The following SIPA1L1 variants were observed in gnomAD, a reference collection of about 807,000 sequenced individuals.
The protein encoded by SIPA1L1 is signal induced proliferation associated 1 like 1.
SIPA1L1 carries 26 observed loss-of-function variants against 162.7 expected under a neutral mutation model. The observed-to-expected ratio is 0.16, with a 90% CI of 0.12 to 0.22. The LOEUF is 0.22. Ranked by LOEUF, SIPA1L1 falls within the 10% of genes least tolerant of loss-of-function variation. The pLI is 1.00. For synonymous variants in SIPA1L1, 829 were observed against 837.4 expected, an observed-to-expected ratio of 0.99 and a Z score of 0.17; for missense variants, 1,874 against 2,241.0, an observed-to-expected ratio of 0.84 and a Z score of 3.31.
At chr14:71,416,976 C>G (rs1045895203) in intron 2 of SIPA1L1, among the ~76,000 whole-genome samples, 2 of 151,926 alleles carry the variant, frequency 1.3e-5, no homozygotes. Flanking sequence ...GTCTGGAACT[C>G]CTGACCTCAA....
At chr14:71,382,656 GT>G (rs558703101) in intron 2 of SIPA1L1, among the ~76,000 whole-genome samples, 1 of 151,150 alleles carries the variant, frequency 6.6e-6, no homozygotes, top group African/African-American at 2.4e-5. Context: ...CTCGGTAAGG[GT>G]TTTTTTTTGT....
At chr14:71,441,854 A>G (rs2044883858) in intron 2 of SIPA1L1, among the ~76,000 whole-genome samples, 2 of 152,132 alleles carry the variant, frequency 1.3e-5, no homozygotes, top group Admixed American at 1.3e-4. Context: ...TAGATAATAA[A>G]ATAACCATGT....
chr14:71,717,029 A>T (rs1481695649), intron 17 of SIPA1L1, among the ~76,000 whole-genome samples: 1 of 152,172 alleles, frequency 6.6e-6, no homozygotes, highest in African/African-American at 2.4e-5. Flanking sequence ...CCTCCCGAGT[A>T]GCTGGGACTA....
At chr14:71,572,733 T>G (rs184214813) in intron 4 of SIPA1L1, among the ~76,000 whole-genome samples, 50 of 152,336 alleles carry the variant, frequency 3.3e-4, no homozygotes, top group African/African-American at 1.1e-3. Context: ...TTTTTTTGCT[T>G]CTTATGTTGT....
At chr14:71,597,333 C>T (rs2036158080) in intron 5 of SIPA1L1, among the ~76,000 whole-genome samples, 1 of 152,090 alleles carries the variant, frequency 6.6e-6, no homozygotes, top group South Asian at 2.1e-4. Context: ...CCTCCCATTT[C>T]TCTATTGGTA....
chr14:71,565,610 A>T (rs114162173), intron 4 of SIPA1L1, among the ~76,000 whole-genome samples: 2,454 of 152,316 alleles, frequency 0.016, 58 homozygotes, highest in African/African-American at 0.056. Context: ...TATATGCAAT[A>T]GTCATTTGGG....
chr14:71,531,253 T>C (rs1009425305), intron 4 of SIPA1L1, among the ~76,000 whole-genome samples: 21 of 152,200 alleles, frequency 1.4e-4, no homozygotes, highest in African/African-American at 5.1e-4. Flanking sequence ...TCTGGCATCA[T>C]TTTTCTGCAT....
At chr14:71,627,121 A>G (rs971760694) in intron 7 of SIPA1L1, among the ~76,000 whole-genome samples, 6 of 119,646 alleles carry the variant, frequency 5.0e-5, no homozygotes, top group African/African-American at 1.8e-4. Context: ...CCTTTCTGGG[A>G]CTTTCACTAC....
chr14:71,720,950 C>CT (rs1410466721), intron 17 of SIPA1L1, among the ~76,000 whole-genome samples: 1 of 152,014 alleles, frequency 6.6e-6, no homozygotes, highest in Admixed American at 6.6e-5. Context: ...TCACTGATGC[C>CT]TTATTTGGTT....
chr14:71,663,752 G>T (rs148756870), intron 10 of SIPA1L1, among the ~76,000 whole-genome samples: 209 of 152,280 alleles, frequency 1.4e-3, no homozygotes, highest in Non-Finnish European at 2.5e-3. Context: ...ATCATTTAAT[G>T]CTAGAAGTCT....
chr14:71,457,164 A>C (rs565081016), intron 2 of SIPA1L1, among the ~76,000 whole-genome samples: 9 of 152,316 alleles, frequency 5.9e-5, no homozygotes, highest in African/African-American at 2.2e-4. Flanking sequence ...GCCTTCTTCA[A>C]ATAGTCTTCT....
intron 7 of SIPA1L1, among the ~76,000 whole-genome samples, chr14:71,637,630 A>G (rs2041292933): frequency 6.6e-6 from 1 of 152,108 alleles, no homozygotes; most frequent in African/African-American, 2.4e-5. Context: ...AGGCTGAATC[A>G]GGAGGATCAA....
chr14:71,710,342 C>G (rs1226760216), intron 17 of SIPA1L1, among the ~76,000 whole-genome samples: 4 of 152,172 alleles, frequency 2.6e-5, no homozygotes, highest in Admixed American at 1.3e-4. Context: ...AGCCTAAAAT[C>G]CCCAATGTGA....
At chr14:71,397,222 G>A (rs1171068334) in intron 2 of SIPA1L1, among the ~76,000 whole-genome samples, 1 of 152,068 alleles carries the variant, frequency 6.6e-6, no homozygotes, top group Non-Finnish European at 1.5e-5. Flanking sequence ...TCAAGCCAAG[G>A]ATTTTAGTTG....
rs556861534 is a variant in SIPA1L1, at chr14:71,450,331, G to A, written c.-464-62412G>A. Among the ~76,000 whole-genome samples the A allele has an allele frequency of 5.3e-5, 8 of 152,194 alleles. No individual in the cohort carries two copies. In the South Asian group the frequency reaches 1.0e-3, roughly 20 times the overall value. ...TTCCTAAGGTGTCAGTTTATAGCTC[G>A]ATAGTGTGTTCTCTAAGACTCTGTA... On this transcript the variant is annotated intron_variant, in intron 2 of 23. Transcript: ENST00000381232.
At chr14:71,404,283 C>T (rs539482303) in intron 2 of SIPA1L1, among the ~76,000 whole-genome samples, 15 of 152,218 alleles carry the variant, frequency 9.9e-5, no homozygotes, top group African/African-American at 3.6e-4. Flanking sequence ...GGCCAGGTGC[C>T]GTGGCTCCTA....
chr14:71,705,465 G>A (rs758638617), intron 16 of SIPA1L1, 125 bp downstream of exon 16: 25 of 760,104 alleles, frequency 3.3e-5, no homozygotes, highest in Non-Finnish European at 4.8e-5. Context: ...AAGAGTGGTC[G>A]TTTGCTGCCA....
chr14:71,371,635 A>G (rs769343728), intron 2 of SIPA1L1, among the ~76,000 whole-genome samples: 1 of 152,140 alleles, frequency 6.6e-6, no homozygotes, highest in Non-Finnish European at 1.5e-5. Context: ...CCTGAGCTCA[A>G]GTGATCCACC....
At chr14:71,387,520 C>G (rs117484575) in intron 2 of SIPA1L1, among the ~76,000 whole-genome samples, 230 of 152,242 alleles carry the variant, frequency 1.5e-3, no homozygotes, top group Non-Finnish European at 2.5e-3. Context: ...TCAAAGACAT[C>G]ATTACTGTAG....
Sources: allele counts gnomAD v4.1 joint callset (sites outside exome capture counted in the v4.1 genomes callset), GRCh38; gene constraint gnomAD v4.1.1; transcripts MANE v1.5; gene names NCBI Gene and HGNC (gene_info 2026-07-23, HGNC 2026-07-21).